TBX4: variants seen among roughly 807,000 people sequenced by gnomAD.
TBX4 encodes T-box transcription factor TBX4.
TBX4 carries 13 observed loss-of-function variants against 54.6 expected under a neutral mutation model. That is an observed-to-expected ratio of 0.24 (90% CI 0.15 to 0.38). The LOEUF (loss-of-function observed/expected upper bound fraction) is 0.38. Among genes scored for constraint, TBX4 ranks in the 10% least tolerant of loss-of-function variants. TBX4 has a pLI of 1.00. For synonymous variants in TBX4, 314 were observed against 306.7 expected (o/e 1.02, Z -0.25); for missense variants, 631 against 728.5 (o/e 0.87, Z 1.54).
In TBX4 at chr17:61,472,069, T is replaced by C. The variant is rs558615311; in HGVS notation, c.549+4412T>C. 6.6e-6 allele frequency among the ~76,000 whole-genome samples: 1 copy of C among 152,282 alleles called. No individual in the cohort carries two copies. The highest frequency in any genetic ancestry group is 2.1e-4 in the South Asian group (1 of 4,830). On this transcript the variant is annotated intron_variant, in intron 5 of 8. Coordinates refer to ENST00000644296, the MANE Select transcript of TBX4 (RefSeq NM_001321120.2). This position sits in a 1 kb window ranked among gnomAD's most constrained non-coding sequence, Gnocchi z 4.5. The stretch of plus-strand genomic sequence containing the variant: ...GCAGCTGCATAGAATTTTATCAAAA[T>C]GATTGTTTCAGAAATCATGTAGCCA...
chr17:61,466,906 A>G (rs1015590972), intron 4 of TBX4, among the ~76,000 whole-genome samples: 6 of 152,226 alleles, frequency 3.9e-5, no homozygotes, highest in African/African-American at 1.4e-4. Context: ...CTGTAATCCC[A>G]GCTACTCTGG....
At chr17:61,463,623 C>G (rs1052991238) in intron 3 of TBX4, among the ~76,000 whole-genome samples, 1 of 152,230 alleles carries the variant, frequency 6.6e-6, no homozygotes, top group Non-Finnish European at 1.5e-5. Context: ...TAGGCTATGA[C>G]GCGTGCCAAA....
At position 61,474,792 on chromosome 17, in the gene TBX4, C is replaced by T. The variant is rs992073121; in HGVS notation, c.550-3835C>T. 6.6e-6 allele frequency among the ~76,000 whole-genome samples: 1 copy of T among 152,206 alleles called. No individual in the cohort carries two copies. Among genetic ancestry groups the T allele is most frequent in the African/African-American group, 2.4e-5 (1 of 41,446 alleles). On this transcript the variant is annotated intron_variant, in intron 5 of 8. Transcript: ENST00000644296. The surrounding 1 kb of genome is among the most constrained non-coding windows in gnomAD (Gnocchi z 4.6). ...TTTAATGTGGCGCCTGAGGAACTTC[C>T]GAGCAAAGCCAGGTGTGTGAGTCAC...
At position 61,483,598 on chromosome 17, in the gene TBX4, A is replaced by G; in HGVS notation, c.*82A>G. On this transcript the variant is annotated 3_prime_UTR_variant, in exon 9 of 9. Transcript: ENST00000644296. This position sits in a 1 kb window ranked among gnomAD's most constrained non-coding sequence, Gnocchi z 6.6. ...GGTGGCCTGCACTCTACCAAGAAAC[A>G]CAGGAAGGTATTCCAGTGTGTGTGT... The G allele has an allele frequency of 6.7e-7, 1 of 1,496,660 alleles. No individual in the cohort carries two copies. Among genetic ancestry groups the G allele is most frequent in the Non-Finnish European group, 9.2e-7 (1 of 1,088,784 alleles). The allele number at this position is 1,496,660 out of a possible 1,614,324, so 92.7% of individuals were successfully genotyped here.
chr17:61,456,653 G>T lies in TBX4; in HGVS notation c.163G>T (p.Val55Phe). The T allele has an allele frequency of 7.4e-7, 1 of 1,352,632 alleles. No individual in the cohort carries two copies. Among genetic ancestry groups the T allele is most frequent in the African/African-American group, 1.5e-5 (1 of 65,636 alleles). 83.8% of individuals were successfully genotyped at this position (1,352,632 alleles called of 1,614,324 possible). A position where few individuals can be genotyped will look rare whatever the true frequency, so the allele number is the denominator to read the frequency against. ...GSPPGPGADV[V>F]AAAAAEQTIE... ...CCCCCCGGGACCCGGGGCCGACGTC[G>T]TCGCCGCCGCCGCCGCGGAGCAGGT... Residue 55 changes from valine (V) to phenylalanine (F), a missense_variant, in exon 2 of 9, where the codon GTC becomes TTC. Physicochemically the swap from Val to Phe is conservative, Grantham distance 50. Coordinates refer to ENST00000644296, the MANE Select transcript of TBX4 (RefSeq NM_001321120.2).
In TBX4 at chr17:61,467,674, C is replaced by T. The variant is rs555722904; in HGVS notation, c.549+17C>T. 6.2e-7 allele frequency: 1 copy of T among 1,614,046 alleles called. No homozygotes were observed. The highest frequency in any genetic ancestry group is 2.2e-5 in the East Asian group (1 of 44,888). ...TTTGGCCATGTAAGCATGGGGGCTG[C>T]CTGGCCCCAGGAGGCAAGTCTGGGG... On this transcript the variant is annotated intron_variant, in intron 5 of 8. Coordinates refer to ENST00000644296, the MANE Select transcript of TBX4 (RefSeq NM_001321120.2).
In TBX4 at chr17:61,457,774, C is replaced by A. The variant is rs1021458557; in HGVS notation, c.281+143C>A. The A allele has an allele frequency of 3.8e-6, 3 of 795,534 alleles. No individual in the cohort carries two copies. In the African/African-American group the frequency reaches 5.1e-5, roughly 14 times the overall value. 49.3% of individuals were successfully genotyped at this position (795,534 alleles called of 1,614,324 possible). On this transcript the variant is annotated intron_variant, in intron 3 of 8. Coordinates refer to ENST00000644296, the MANE Select transcript of TBX4 (RefSeq NM_001321120.2). This position sits in a 1 kb window ranked among gnomAD's most constrained non-coding sequence, Gnocchi z 8.2. ...CTCGGGCGTCAGTGCCACCTCCCTT[C>A]GCAGCTTGGGACTGGGCCGCCAAAG...
chr17:61,468,631 A>G (rs572010124), intron 5 of TBX4, among the ~76,000 whole-genome samples: 4 of 152,286 alleles, frequency 2.6e-5, no homozygotes, highest in African/African-American at 9.6e-5. Context: ...TTCTAGTTTT[A>G]ATTTCTCAGA....
chr17:61,453,078 T>C (rs2060425174), intron 1 of TBX4: 1 of 827,078 alleles, frequency 1.2e-6, no homozygotes, highest in Admixed American at 6.2e-5. Flanking sequence ...TAATGATCGA[T>C]GATTAAAGAT....
chr17:61,457,565 A>T lies in TBX4; in HGVS notation c.215A>T (p.His72Leu). ...ATCGAGAACATCAAGGTGGGGCTGC[A>T]TGAGAAGGAGCTCTGGAAGAAGTTC... ...QTIENIKVGL[H>L]EKELWKKFHE... The change falls in exon 3 of 9, where the codon CAT (histidine) becomes CTT (leucine). Residue 72 changes from histidine to leucine, a missense_variant. His to Leu is a moderately conservative substitution (Grantham distance 99). Coordinates refer to ENST00000644296, the MANE Select transcript of TBX4 (RefSeq NM_001321120.2). The surrounding 1 kb of genome is among the most constrained non-coding windows in gnomAD (Gnocchi z 8.2). 1 of 1,613,740 alleles carries T rather than the reference A, an allele frequency of 6.2e-7. No individual in the cohort carries two copies. The highest frequency in any genetic ancestry group is 1.7e-5 in the Admixed American group (1 of 60,010).
chr17:61,471,477 G>T (rs796861772), intron 5 of TBX4, among the ~76,000 whole-genome samples: 1 of 151,036 alleles, frequency 6.6e-6, no homozygotes, highest in African/African-American at 2.4e-5. Flanking sequence ...CTCTCTACTT[G>T]TTCCTGATCC....
At position 61,481,764 on chromosome 17, in the gene TBX4, T is replaced by G. The variant is rs1277698590; in HGVS notation, c.1022-1133T>G. The G allele has an allele frequency of 6.6e-6, 1 of 152,214 alleles. No individual in the cohort carries two copies. The highest frequency in any genetic ancestry group is 1.5e-5 in the Non-Finnish European group (1 of 68,138). 9.4% of individuals were successfully genotyped at this position (152,214 alleles called of 1,614,324 possible). ...AGCCATGGATGTGTGGGGTTTTTGT[T>G]GTTGTTGTTGTCCTTGTTTTGAGAC... On this transcript the variant is annotated intron_variant, in intron 8 of 8. Transcript: ENST00000644296. The surrounding 1 kb of genome is among the most constrained non-coding windows in gnomAD (Gnocchi z 4.8).
At position 61,481,635 on chromosome 17, in the gene TBX4, G is replaced by A. The variant is rs1481772678; in HGVS notation, c.1022-1262G>A. On this transcript the variant is annotated intron_variant, in intron 8 of 8. Coordinates refer to ENST00000644296, the MANE Select transcript of TBX4 (RefSeq NM_001321120.2). This position sits in a 1 kb window ranked among gnomAD's most constrained non-coding sequence, Gnocchi z 4.8. ...GGGGCAGAGGAGAGAGGTGAGCAGAGGCCTTCACACCCATTTAGCCCCTCT... is the reference window on the plus strand; with the variant it reads ...GGGGCAGAGGAGAGAGGTGAGCAGAAGCCTTCACACCCATTTAGCCCCTCT... 6.6e-6 allele frequency among the ~76,000 whole-genome samples: 1 copy of A among 152,212 alleles called. No homozygotes were observed. Among genetic ancestry groups the A allele is most frequent in the Non-Finnish European group, 1.5e-5 (1 of 68,042 alleles).
At chr17:61,452,668 A>T (rs1271504306) in intron 1 of TBX4, 91 bp downstream of exon 1, 1 of 152,480 alleles carries the variant, frequency 6.6e-6, no homozygotes, top group Non-Finnish European at 1.5e-5. Flanking sequence ...GACGGACAGG[A>T]GGATGAGCTG....
intron 1 of TBX4, among the ~76,000 whole-genome samples, chr17:61,456,252 G>A (rs1040894703): frequency 6.6e-6 from 1 of 152,184 alleles, no homozygotes; most frequent in African/African-American, 2.4e-5. Flanking sequence ...CCACACCCAG[G>A]GGCAGGCAGA....
At position 61,478,490 on chromosome 17, in the gene TBX4, AGTCCTG is replaced by A; in HGVS notation, c.550-133_550-128del. On this transcript the variant is annotated intron_variant, in intron 5 of 8. Transcript: ENST00000644296. This position sits in a 1 kb window ranked among gnomAD's most constrained non-coding sequence, Gnocchi z 7.4. The stretch of plus-strand genomic sequence containing the variant: ...GCCTGGTTCTTCACTTGGGAGCTCC[AGTCCTG>A]GTCGGTAGGCCCCGGATCCTGGGCT... The A allele has an allele frequency of 8.3e-7, 1 of 1,200,060 alleles. No individual in the cohort carries two copies. Among genetic ancestry groups the A allele is most frequent in the Non-Finnish European group, 1.2e-6 (1 of 828,084 alleles). 74.3% of individuals were successfully genotyped at this position (1,200,060 alleles called of 1,614,324 possible). A position where few individuals can be genotyped will look rare whatever the true frequency, so the allele number is the denominator to read the frequency against.
At chr17:61,463,034 AG>A (rs1330058123) in intron 3 of TBX4, 1 of 152,388 alleles carries the variant, frequency 6.6e-6, no homozygotes, top group Admixed American at 6.5e-5. Flanking sequence ...GAGGGGACAG[AG>A]GGGGCCTCAC....
At chr17:61,482,466 A>C (rs1384496866) in intron 8 of TBX4, among the ~76,000 whole-genome samples, 1 of 152,230 alleles carries the variant, frequency 6.6e-6, no homozygotes, top group East Asian at 1.9e-4. Context: ...CAGAAACCTC[A>C]TGGCCTTAAT....
At chr17:61,473,415 A>G (rs1167469484) in intron 5 of TBX4, among the ~76,000 whole-genome samples, 1 of 152,246 alleles carries the variant, frequency 6.6e-6, no homozygotes, top group Non-Finnish European at 1.5e-5. Context: ...TGGTAAGTGC[A>G]TGAGAAACTC....
Sources: gnomAD v4.1 joint callset for allele counts (sites outside exome capture counted in the v4.1 genomes callset) on GRCh38, gnomAD v4.1.1 for gene constraint, Gnocchi (gnomAD v3.1) non-coding constraint, MANE v1.5 for transcripts, NCBI Gene and HGNC (gene_info 2026-07-23, HGNC 2026-07-21) for gene names.